ANO6: variants seen among roughly 807,000 people sequenced by gnomAD.
ANO6 encodes anoctamin 6.
In ANO6, 106 loss-of-function variants were observed where a neutral mutation model predicts 117.5. That is an observed-to-expected ratio of 0.90 (90% CI 0.77 to 1.06). ANO6 has a LOEUF of 1.06. ANO6 is among the 50% of genes least tolerant of loss of function. The pLI is 0.00. For synonymous variants in ANO6, 367 were observed against 385.1 expected, an observed-to-expected ratio of 0.95 and a Z score of 0.55; for missense variants, 955 against 1,121.1, an observed-to-expected ratio of 0.85 and a Z score of 2.12.
intron 11 of ANO6, 122 bp downstream of exon 11, chr12:45,388,425 C>A: frequency 1.6e-6 from 2 of 1,246,306 alleles, no homozygotes; most frequent in Non-Finnish European, 2.3e-6. Context: ...TCCATCACTA[C>A]ATACTCTGGT....
intron 16 of ANO6, 96 bp from the exon 17 acceptor site, chr12:45,416,603 A>G (rs1943219643): frequency 2.7e-6 from 3 of 1,112,520 alleles, no homozygotes; most frequent in Non-Finnish European, 4.0e-6. Flanking sequence ...TCTCTCTGGG[A>G]TTTAGTTCGT....
chr12:45,379,997 T>G (rs1942128514), intron 10 of ANO6, among the ~76,000 whole-genome samples: 1 of 152,244 alleles, frequency 6.6e-6, no homozygotes, highest in Admixed American at 6.5e-5. Flanking sequence ...CCAAACAGGC[T>G]ACAGCCTCTT....
At chr12:45,331,013 G>A (rs962544075) in intron 2 of ANO6, among the ~76,000 whole-genome samples, 1 of 151,536 alleles carries the variant, frequency 6.6e-6, no homozygotes, top group African/African-American at 2.4e-5. Context: ...GCTGCTTGAG[G>A]TGAAAATAAT....
chr12:45,373,503 C>G (rs145710427), intron 9 of ANO6, among the ~76,000 whole-genome samples: 2,742 of 152,248 alleles, frequency 0.018, 79 homozygotes, highest in African/African-American at 0.062. Flanking sequence ...GAAATTATAA[C>G]AAACTATCTC....
intron 3 of ANO6, among the ~76,000 whole-genome samples, chr12:45,339,125 G>C (rs1429545348): frequency 6.6e-6 from 1 of 152,050 alleles, no homozygotes; most frequent in East Asian, 1.9e-4. Context: ...CATCACAAAA[G>C]AATAGCTGCT....
chr12:45,405,752 A>G (rs961440369), intron 15 of ANO6, among the ~76,000 whole-genome samples: 6 of 152,132 alleles, frequency 3.9e-5, no homozygotes, highest in African/African-American at 1.4e-4. Context: ...TCTACTGAAA[A>G]TACAAAATTA....
At chr12:45,241,000 A>C (rs912346592) in intron 1 of ANO6, among the ~76,000 whole-genome samples, 3 of 151,896 alleles carry the variant, frequency 2.0e-5, no homozygotes, top group Non-Finnish European at 4.4e-5. Context: ...CTTCATTTCA[A>C]CCTTGGTGAA....
intron 7 of ANO6, among the ~76,000 whole-genome samples, chr12:45,352,202 G>A (rs975665896): frequency 5.3e-5 from 8 of 152,008 alleles, no homozygotes; most frequent in African/African-American, 9.7e-5. Context: ...TACATTTACC[G>A]TGGGAAATTT....
At chr12:45,415,249 G>T (rs1943185739) in intron 16 of ANO6, among the ~76,000 whole-genome samples, 2 of 152,098 alleles carry the variant, frequency 1.3e-5, no homozygotes, top group Admixed American at 1.3e-4. Context: ...TATCATAGTG[G>T]TCTTAGTTTT....
intron 2 of ANO6, among the ~76,000 whole-genome samples, chr12:45,319,916 T>C (rs1399830608): frequency 6.6e-6 from 1 of 152,240 alleles, no homozygotes. Context: ...GAAGTGTTTG[T>C]AGTATTCTCT....
chr12:45,348,275 A>G lies in ANO6; in HGVS notation c.593A>G (p.Asp198Gly), dbSNP rs746204852. Residue 198 changes from aspartate (D) to glycine (G), a missense_variant, in exon 5 of 20, where the codon GAT becomes GGT. Transcript: ENST00000320560. ...KNRMNDFYIV[D>G]RDAFFNPATR... Reference sequence around the variant, plus strand: ...CGGATGAATGATTTTTACATAGTTGATAGAGATGCTTTCTTCAATCCAGCC... The same window carrying G: ...CGGATGAATGATTTTTACATAGTTGGTAGAGATGCTTTCTTCAATCCAGCC... The G allele has an allele frequency of 1.2e-6, 2 of 1,614,080 alleles. No homozygotes were observed. The highest frequency in any genetic ancestry group is 3.3e-5 in the Admixed American group (2 of 60,008).
chr12:45,354,666 G>A (rs1278481208), intron 7 of ANO6, among the ~76,000 whole-genome samples: 2 of 152,132 alleles, frequency 1.3e-5, no homozygotes, highest in South Asian at 2.1e-4. Context: ...GAGAGTCTGG[G>A]GTTGAATTGC....
rs541761467 is a variant in ANO6, at chr12:45,381,309, A to C, written c.1165+3196A>C. Among the ~76,000 whole-genome samples, 7 of 152,290 alleles carry C rather than the reference A, an allele frequency of 4.6e-5. No homozygotes were observed. The East Asian group carries it at 1.4e-3, about 29-fold the overall frequency. On this transcript the variant is annotated intron_variant, in intron 10 of 19. Transcript: ENST00000320560. ...CTTTCTCTTTTCTTATTATATGTTG[A>C]TGTAAGAGTTTTAACTGTGCCTAAT... is the stretch of plus-strand genomic sequence containing the variant.
intron 3 of ANO6, among the ~76,000 whole-genome samples, chr12:45,339,671 G>A (rs904766063): frequency 5.3e-5 from 8 of 152,106 alleles, no homozygotes; most frequent in Non-Finnish European, 7.4e-5. Flanking sequence ...TCACCAACAC[G>A]TGAATTTAAA....
chr12:45,280,426 G>A (rs1212979652), intron 1 of ANO6, among the ~76,000 whole-genome samples: 1 of 152,178 alleles, frequency 6.6e-6, no homozygotes, highest in Non-Finnish European at 1.5e-5. Context: ...AAATTGCCAT[G>A]TACATGGGAC....
downstream of ANO6, among the ~76,000 whole-genome samples, chr12:45,434,428 G>A (rs1459683807): frequency 2.6e-5 from 4 of 152,176 alleles, no homozygotes; most frequent in South Asian, 6.2e-4. Context: ...ACACCGCTGG[G>A]CTTTTTCTCC....
At chr12:45,334,984 A>T (rs2897868) in intron 3 of ANO6, among the ~76,000 whole-genome samples, 2 of 151,598 alleles carry the variant, frequency 1.3e-5, no homozygotes, top group Non-Finnish European at 2.9e-5. Flanking sequence ...GGTACAATTC[A>T]GATGAGGGTG....
intron 1 of ANO6, among the ~76,000 whole-genome samples, chr12:45,236,013 A>G (rs941152949): frequency 1.3e-5 from 2 of 152,234 alleles, no homozygotes; most frequent in African/African-American, 2.4e-5. Context: ...GAGGCTACAT[A>G]TGAAGGGGAG....
At chr12:45,217,749 C>G (rs1947338168) in intron 1 of ANO6, among the ~76,000 whole-genome samples, 2 of 152,068 alleles carry the variant, frequency 1.3e-5, no homozygotes, top group South Asian at 4.1e-4. Flanking sequence ...TACTGTTTAG[C>G]AAGATTAAGT....
Sources: gnomAD v4.1 joint callset for allele counts (sites outside exome capture counted in the v4.1 genomes callset) on GRCh38, gnomAD v4.1.1 for gene constraint, MANE v1.5 for transcripts, NCBI Gene and HGNC (gene_info 2026-07-23, HGNC 2026-07-21) for gene names.